ACE: variants seen among roughly 807,000 people sequenced by gnomAD.
The protein encoded by ACE is angiotensin I converting enzyme.
ACE carries 122 observed loss-of-function variants against 162.3 expected under a neutral mutation model. That is an observed-to-expected ratio of 0.75 (90% confidence interval 0.65 to 0.87). ACE has a LOEUF of 0.87. Among genes scored for constraint, ACE ranks in the 40% least tolerant of loss-of-function variants. The probability of loss-of-function intolerance (pLI) is 0.00; values close to 1 mark genes in which losing one functional copy is unlikely to be tolerated. For missense variants in ACE, 1,799 were observed against 1,735.1 expected, an observed-to-expected ratio of 1.04 and a Z score of -0.65; for synonymous variants, 796 against 720.6, an observed-to-expected ratio of 1.10 and a Z score of -1.68.
At position 63,491,524 on chromosome 17, in the gene ACE, G is replaced by C; in HGVS notation, c.2912+143G>C. 1 of 1,107,556 alleles carries C rather than the reference G, an allele frequency of 9.0e-7. No homozygotes were observed. The highest frequency in any genetic ancestry group is 1.3e-6 in the Non-Finnish European group (1 of 750,590). 68.6% of individuals were successfully genotyped at this position (1,107,556 alleles called of 1,614,324 possible). ...GCCAGAGTTTGGGACTGAGTGTCTA[G>C]AGAGGTGTTGGCTTCTGGCAGGAAA... is the stretch of plus-strand genomic sequence containing the variant. On this transcript the variant is annotated intron_variant, in intron 19 of 24. Coordinates refer to ENST00000290866, the MANE Select transcript of ACE (RefSeq NM_000789.4). The surrounding 1 kb of genome is among the most constrained non-coding windows in gnomAD (Gnocchi z 4.4).
intron 21 of ACE, 46 bp downstream of exon 21, chr17:63,494,112 G>A (rs377561616): frequency 6.2e-7 from 1 of 1,610,664 alleles, no homozygotes; most frequent in African/African-American, 1.3e-5. Context: ...ATCTCTGCGA[G>A]TGTCTGCATG....
intron 2 of ACE, chr17:63,478,800 C>T (rs527545567): frequency 6.4e-6 from 4 of 628,702 alleles, no homozygotes; most frequent in South Asian, 5.2e-5. Context: ...CTCCTGTCCC[C>T]CACTCCACAG....
Position 63,479,030 on chromosome 17 carries a change from G to GAGCTT in ACE, c.444_445insTTAGC (p.Arg149LeufsTer54), listed in dbSNP as rs778759606. 9.2e-5 allele frequency: 148 copies of GAGCTT among 1,613,492 alleles called. No individual in the cohort carries two copies. The highest frequency in any genetic ancestry group is 1.2e-4 in the Non-Finnish European group (140 of 1,179,894). On this transcript the variant is annotated frameshift_variant, in exon 3 of 25. Coordinates refer to ENST00000290866, the MANE Select transcript of ACE (RefSeq NM_000789.4). LOFTEE classifies it high-confidence loss of function. ...AGTACAACGCCCTGCTAAGCAACAT[G>GAGCTT]AGCAGGATCTACTCCACCGCCAAGG...
At chr17:63,477,865 C>T in intron 1 of ACE, 66 bp from the exon 2 acceptor site, 8 of 1,551,646 alleles carry the variant, frequency 5.2e-6, no homozygotes, top group Non-Finnish European at 7.0e-6. Flanking sequence ...AGCACCGTGG[C>T]TTCTCCTTTA....
chr17:63,481,320 G>A (rs1191828908), intron 6 of ACE, 132 bp downstream of exon 6: 5 of 960,482 alleles, frequency 5.2e-6, no homozygotes, highest in Non-Finnish European at 8.1e-6. Context: ...TAGGAGCAGT[G>A]AGCTGGGGTC....
chr17:63,485,401 T>G, intron 13 of ACE, 29 bp downstream of exon 13: 2 of 1,613,090 alleles, frequency 1.2e-6, no homozygotes. Context: ...CCCCCAAACC[T>G]GAGCATGTGC....
rs774866263 is a variant in ACE at position 63,496,427 on chromosome 17, C to T, written c.3414C>T (p.Phe1138=). Residue 1138 remains phenylalanine, a synonymous_variant, in exon 23 of 25, where the codon TTC becomes TTT. Coordinates refer to ENST00000290866, the MANE Select transcript of ACE (RefSeq NM_000789.4). ...YFVSFIIQFQ[F]HEALCQAAGH... ...TCAGCTTCATCATCCAGTTCCAGTT[C>T]CACGAGGCACTGTGCCAGGCAGCTG... The T allele has an allele frequency of 2.5e-6, 4 of 1,614,224 alleles. No homozygotes were observed. The highest frequency in any genetic ancestry group is 1.1e-5 in the South Asian group (1 of 91,074).
rs554300445 is a variant in ACE, at chr17:63,485,404, G to T, written c.2058+32G>T. On this transcript the variant is annotated intron_variant, in intron 13 of 24. Transcript: ENST00000290866. ...GCCACCTCCCCACCCCCAAACCTGA[G>T]CATGTGCATACACACAGAGATGCTG... 1.9e-6 allele frequency: 3 copies of T among 1,613,438 alleles called. No homozygotes were observed. The Admixed American group carries it at 5.0e-5, about 27-fold the overall frequency.
Position 63,480,376 on chromosome 17 carries a change from A to C in ACE, c.695A>C (p.Asn232Thr), listed in dbSNP as rs1160172583. 3 of 1,613,508 alleles carry C rather than the reference A, an allele frequency of 1.9e-6. No homozygotes were observed. Among genetic ancestry groups the C allele is most frequent in the Non-Finnish European group, 1.7e-6 (2 of 1,179,920 alleles). The change falls in exon 5 of 25, where the codon AAC becomes ACC. Residue 232 changes from asparagine (N) to threonine (T), a missense_variant. Physicochemically the swap from Asn to Thr is moderately conservative, Grantham distance 65 (BLOSUM62 0). Coordinates refer to ENST00000290866, the MANE Select transcript of ACE (RefSeq NM_000789.4). ...DTGAYWRSWY[N>T]SPTFEDDLEH... is the part of the protein sequence containing the mutation. Reference sequence around the variant, plus strand: ...GGGGCCTACTGGCGCTCCTGGTACAACTCCCCCACCTTCGAGGACGATCTG... The same window carrying C: ...GGGGCCTACTGGCGCTCCTGGTACACCTCCCCCACCTTCGAGGACGATCTG...
intron 3 of ACE, among the ~76,000 whole-genome samples, chr17:63,479,323 C>T (rs1458638375): frequency 2.0e-5 from 3 of 152,160 alleles, no homozygotes; most frequent in Non-Finnish European, 4.4e-5. Context: ...CTGTGTGTAC[C>T]TCGGCCTCTC....
intron 21 of ACE, 91 bp from the exon 22 acceptor site, chr17:63,494,281 C>T (rs930319394): frequency 8.2e-6 from 11 of 1,345,052 alleles, no homozygotes; most frequent in African/African-American, 1.4e-5. Context: ...AGTATAGCCC[C>T]AAGTGCAGGG....
At chr17:63,493,012 G>T (rs1049852130) in intron 19 of ACE, among the ~76,000 whole-genome samples, 2 of 152,116 alleles carry the variant, frequency 1.3e-5, no homozygotes, top group Non-Finnish European at 1.5e-5. Flanking sequence ...ATGCAGAATC[G>T]CCCACTCTCA....
intron 13 of ACE, chr17:63,485,796 A>T (rs2029900038): frequency 4.2e-6 from 1 of 235,916 alleles, no homozygotes; most frequent in Non-Finnish European, 8.3e-6. Context: ...AAAAAAACTC[A>T]ATTTCAGATT....
At position 63,477,128 on chromosome 17, in the gene ACE, C is replaced by G; in HGVS notation, c.34C>G (p.Leu12Val). 7.1e-7 allele frequency: 1 copy of G among 1,409,322 alleles called. No homozygotes were observed. 87.3% of individuals were successfully genotyped at this position (1,409,322 alleles called of 1,614,324 possible). ...GAASGRRGPG[L>V]LLPLPLLLLL... ...CGCCTCGGGCCGCCGGGGGCCGGGG[C>G]TGCTGCTGCCGCTGCCGCTGCTGTT... is the stretch of plus-strand genomic sequence containing the variant. The change falls in exon 1 of 25, where the codon CTG (leucine) becomes GTG (valine). Residue 12 changes from leucine (L) to valine (V), a missense_variant. Coordinates refer to ENST00000290866, the MANE Select transcript of ACE (RefSeq NM_000789.4).
At position 63,497,982 on chromosome 17, in the gene ACE, G is replaced by C. The variant is rs763524053; in HGVS notation, c.*616G>C. On this transcript the variant is annotated 3_prime_UTR_variant, in exon 25 of 25. Coordinates refer to ENST00000290866, the MANE Select transcript of ACE (RefSeq NM_000789.4). ...CAGGGGAAGGCTTCCGGCTGTTATC[G>C]GCTGCCTCAGGGGGCGAGTACCTTG... 1 of 197,778 alleles carries C rather than the reference G, an allele frequency of 5.1e-6. No homozygotes were observed. The highest frequency in any genetic ancestry group is 1.0e-5 in the Non-Finnish European group (1 of 95,842). 12.3% of individuals were successfully genotyped at this position (197,778 alleles called of 1,614,324 possible). A position where few individuals can be genotyped will look rare whatever the true frequency, so the allele number is the denominator to read the frequency against.
At chr17:63,480,079 A>C (rs1457863732) in intron 4 of ACE, among the ~76,000 whole-genome samples, 167 bp downstream of exon 4, 1 of 152,054 alleles carries the variant, frequency 6.6e-6, no homozygotes, top group Non-Finnish European at 1.5e-5. Context: ...GTGTGCCTGG[A>C]CTTTGCTGCT....
chr17:63,479,728 C>A, intron 3 of ACE, 41 bp from the exon 4 acceptor site: 1 of 1,611,434 alleles, frequency 6.2e-7, no homozygotes, highest in Non-Finnish European at 8.5e-7. Context: ...AAGACTTCAA[C>A]GTGGAGGCCT....
chr17:63,483,731 C>A (rs769634091), intron 10 of ACE, 118 bp from the exon 11 acceptor site: 4 of 1,559,270 alleles, frequency 2.6e-6, no homozygotes, highest in Non-Finnish European at 3.5e-6. Context: ...TCTCCCTTCT[C>A]CCCCAAGATA....
At chr17:63,492,461 G>T (rs533452916) in intron 19 of ACE, among the ~76,000 whole-genome samples, 9 of 152,372 alleles carry the variant, frequency 5.9e-5, no homozygotes, top group African/African-American at 2.2e-4. Flanking sequence ...GATTCCCTGG[G>T]CTGTGCAGGC....
Sources: gnomAD v4.1 joint callset for allele counts (sites outside exome capture counted in the v4.1 genomes callset) on GRCh38, gnomAD v4.1.1 for gene constraint, Gnocchi (gnomAD v3.1) non-coding constraint, MANE v1.5 for transcripts, NCBI Gene and HGNC (gene_info 2026-07-23, HGNC 2026-07-21) for gene names.